Variants in CCDC148 observed in about 807,000 individuals in gnomAD.
CCDC148 encodes coiled-coil domain-containing protein 148.
CCDC148 carries 89 observed loss-of-function variants against 85.7 expected under a neutral mutation model. That is an observed-to-expected ratio of 1.04 (90% CI 0.87 to 1.24). The LOEUF is 1.24. Ranked by LOEUF, CCDC148 falls within the 50% of genes most tolerant of loss-of-function variation. The pLI is 0.00. For synonymous variants in CCDC148, 230 were observed against 213.9 expected (o/e 1.08, Z -0.66); for missense variants, 692 against 671.7 (o/e 1.03, Z -0.33).
intron 1 of CCDC148, among the ~76,000 whole-genome samples, chr2:158,394,868 T>C (rs1241393363): frequency 2.0e-5 from 3 of 152,056 alleles, no homozygotes; most frequent in African/African-American, 7.2e-5. Flanking sequence ...CAAAACTCTA[T>C]TGTTTGTTCT....
chr2:158,184,273 C>A (rs564136127), intron 11 of CCDC148, among the ~76,000 whole-genome samples: 2 of 152,216 alleles, frequency 1.3e-5, no homozygotes, highest in South Asian at 2.1e-4. Flanking sequence ...CAAACAGAGA[C>A]CATTGTTCAG....
chr2:158,210,959 GAAA>G (rs772015775), intron 11 of CCDC148, among the ~76,000 whole-genome samples: 1 of 70,418 alleles, frequency 1.4e-5, no homozygotes, highest in Non-Finnish European at 2.7e-5. Flanking sequence ...ACTCTGTCTC[GAAA>G]AAAAAAAAAA....
chr2:158,352,420 G>C (rs943508270), intron 2 of CCDC148, among the ~76,000 whole-genome samples: 1 of 152,192 alleles, frequency 6.6e-6, no homozygotes, highest in African/African-American at 2.4e-5. Context: ...CGAGAACTAC[G>C]TGAAGAATGC....
intron 10 of CCDC148, among the ~76,000 whole-genome samples, chr2:158,225,285 G>A (rs1456876828): frequency 2.0e-5 from 3 of 152,048 alleles, no homozygotes; most frequent in Non-Finnish European, 2.9e-5. Flanking sequence ...CCCAAAACAG[G>A]AGCACCCAGA....
chr2:158,414,984 G>A (rs1426513056), intron 1 of CCDC148, among the ~76,000 whole-genome samples: 2 of 151,960 alleles, frequency 1.3e-5, no homozygotes, highest in African/African-American at 4.8e-5. Context: ...AGAGATAATG[G>A]CAACAATATC....
intron 9 of CCDC148, among the ~76,000 whole-genome samples, chr2:158,280,197 A>G (rs1321732307): frequency 1.3e-5 from 2 of 152,238 alleles, no homozygotes; most frequent in African/African-American, 4.8e-5. Flanking sequence ...GAGCATCGAG[A>G]CTTGGAAGAA....
intron 1 of CCDC148, among the ~76,000 whole-genome samples, chr2:158,418,537 T>C (rs1157857825): frequency 1.3e-5 from 2 of 152,284 alleles, no homozygotes; most frequent in East Asian, 3.9e-4. Flanking sequence ...GTCTGTTGCA[T>C]TTGTTTGGGA....
chr2:158,202,544 C>A (rs970625304), intron 11 of CCDC148, among the ~76,000 whole-genome samples: 2 of 152,146 alleles, frequency 1.3e-5, no homozygotes, highest in Non-Finnish European at 2.9e-5. Flanking sequence ...GGGGTCAGTA[C>A]ACATTTTGTG....
intron 2 of CCDC148, among the ~76,000 whole-genome samples, chr2:158,354,869 G>A (rs1044127998): frequency 6.6e-6 from 1 of 151,348 alleles, no homozygotes; most frequent in Middle Eastern, 3.2e-3. Flanking sequence ...ACATCAAAAA[G>A]CTTATCCACC....
chr2:158,174,324 T>C (rs940659835), intron 13 of CCDC148, among the ~76,000 whole-genome samples: 9 of 152,034 alleles, frequency 5.9e-5, no homozygotes, highest in Non-Finnish European at 1.0e-4. Context: ...ATATTACTTG[T>C]TGTCTAGCTT....
At chr2:158,205,688 A>G (rs1490382440) in intron 11 of CCDC148, among the ~76,000 whole-genome samples, 3 of 152,096 alleles carry the variant, frequency 2.0e-5, no homozygotes, top group Non-Finnish European at 4.4e-5. Flanking sequence ...GTAGGTTTGG[A>G]AGGTAGCAAA....
At chr2:158,312,806 G>A (rs1692098677) in intron 8 of CCDC148, among the ~76,000 whole-genome samples, 1 of 152,056 alleles carries the variant, frequency 6.6e-6, no homozygotes, top group Admixed American at 6.5e-5. Flanking sequence ...CTGAATAAAG[G>A]GGGAGAGGTG....
chr2:158,329,803 C>G (rs928081106), intron 7 of CCDC148, among the ~76,000 whole-genome samples: 4 of 152,082 alleles, frequency 2.6e-5, no homozygotes, highest in Middle Eastern at 3.2e-3. Context: ...TGATTTGGTT[C>G]TCTGTTTGTC....
At chr2:158,433,565 G>T (rs1265367413) in intron 1 of CCDC148, among the ~76,000 whole-genome samples, 1 of 152,068 alleles carries the variant, frequency 6.6e-6, no homozygotes, top group African/African-American at 2.4e-5. Context: ...CATGAGCAAC[G>T]CAGAATATAG....
In CCDC148 at chr2:158,178,917, T is replaced by C; in HGVS notation, c.1450A>G (p.Lys484Glu). 6.2e-7 allele frequency: 1 copy of C among 1,613,682 alleles called. No individual in the cohort carries two copies. ...GCTTCTAGCCGCCGTGCTCTCTCTT[T>C]GTCTTCATGAGCTTCTTGAAGGGCC... ...EVALQEAHED[K>E]ERARRLEALR... is the part of the protein sequence containing the mutation. Residue 484 changes from lysine (K) to glutamate (E), a missense_variant, in exon 12 of 14, where the codon AAA becomes GAA. Physicochemically the swap from Lys to Glu is moderately conservative, Grantham distance 56. Coordinates refer to ENST00000283233, the MANE Select transcript of CCDC148 (RefSeq NM_138803.4).
At chr2:158,217,321 T>C (rs1686915265) in intron 11 of CCDC148, among the ~76,000 whole-genome samples, 1 of 110,920 alleles carries the variant, frequency 9.0e-6, no homozygotes, top group Non-Finnish European at 1.9e-5. Flanking sequence ...TATATATATA[T>C]ATATATAATT....
intron 1 of CCDC148, among the ~76,000 whole-genome samples, chr2:158,407,452 T>G (rs1686075087): frequency 6.6e-6 from 1 of 152,178 alleles, no homozygotes; most frequent in Non-Finnish European, 1.5e-5. Context: ...TTACTCTTTC[T>G]ATACATAGCT....
chr2:158,318,776 G>GT (rs753053840), intron 7 of CCDC148, among the ~76,000 whole-genome samples: 1,164 of 77,620 alleles, frequency 0.015, 6 homozygotes, highest in Non-Finnish European at 0.02. Flanking sequence ...GCCTTTTACT[G>GT]TTTTTTTTTT....
chr2:158,431,958 T>C (rs1477147049), intron 1 of CCDC148, among the ~76,000 whole-genome samples: 2 of 151,938 alleles, frequency 1.3e-5, no homozygotes, highest in African/African-American at 2.4e-5. Context: ...GGAAAAAATA[T>C]GTAGCACTGT....
Sources: allele counts gnomAD v4.1 joint callset (sites outside exome capture counted in the v4.1 genomes callset), GRCh38; gene constraint gnomAD v4.1.1; transcripts MANE v1.5; gene names NCBI Gene and HGNC (gene_info 2026-07-23, HGNC 2026-07-21).